Variants in CNBD1 observed in about 807,000 individuals in gnomAD.
CNBD1 encodes the protein cyclic nucleotide-binding domain-containing protein 1.
CNBD1 carries 71 observed loss-of-function variants against 54.4 expected under a neutral mutation model. The ratio of observed to expected loss-of-function variants is 1.30; its 90% CI spans 1.08 to 1.59. CNBD1 has a LOEUF of 1.59. Ranked by LOEUF, CNBD1 falls within the 40% of genes most tolerant of loss-of-function variation. CNBD1 has a pLI of 0.00. For synonymous variants in CNBD1, 182 were observed against 170.7 expected (o/e 1.07, Z -0.51); for missense variants, 659 against 518.0 (o/e 1.27, Z -2.64).
chr8:87,226,654 C>G (rs1814500906), intron 5 of CNBD1, among the ~76,000 whole-genome samples: 1 of 151,882 alleles, frequency 6.6e-6, no homozygotes, highest in Admixed American at 6.5e-5. Flanking sequence ...GAGAGCTTTA[C>G]TTCCAACTAT....
chr8:87,210,303 A>G (rs1236427676), intron 5 of CNBD1, among the ~76,000 whole-genome samples: 2 of 152,244 alleles, frequency 1.3e-5, no homozygotes, highest in African/African-American at 4.8e-5. Flanking sequence ...GCCTACCCAT[A>G]TAACAGCAAC....
chr8:87,094,380 A>T (rs115745505), intron 4 of CNBD1, among the ~76,000 whole-genome samples: 4,035 of 148,950 alleles, frequency 0.027, 177 homozygotes, highest in African/African-American at 0.093. Flanking sequence ...GGTTTTTAAA[A>T]TTTTTTTATT....
At chr8:87,032,610 G>T (rs1435355791) in intron 4 of CNBD1, among the ~76,000 whole-genome samples, 4 of 152,176 alleles carry the variant, frequency 2.6e-5, no homozygotes, top group Admixed American at 2.0e-4. Flanking sequence ...GGAAGGGGAG[G>T]CAGAAGAGAC....
At chr8:86,967,390 A>G (rs1808107586) in intron 4 of CNBD1, among the ~76,000 whole-genome samples, 1 of 152,226 alleles carries the variant, frequency 6.6e-6, no homozygotes, top group Admixed American at 6.5e-5. Context: ...TCTGTAAAGC[A>G]GGAGACTTGG....
At chr8:87,394,540 G>T (rs1466081311) in intron 2 of CNBD1, among the ~76,000 whole-genome samples, 4 of 151,846 alleles carry the variant, frequency 2.6e-5, no homozygotes, top group Admixed American at 2.0e-4. Context: ...TGGTGAGAAA[G>T]GTTAGCACAA....
intron 8 of CNBD1, among the ~76,000 whole-genome samples, chr8:87,341,067 A>G (rs776166214): frequency 1.3e-5 from 2 of 152,084 alleles, no homozygotes; most frequent in South Asian, 4.1e-4. Flanking sequence ...GCCTGGCAAG[A>G]GATTCTTTGG....
In CNBD1 at chr8:87,286,547, A is replaced by G. The variant is rs1365156861; in HGVS notation, c.918A>G (p.Ile306Met). Residue 306 changes from isoleucine to methionine, a missense_variant, in exon 8 of 11, where the codon ATA becomes ATG. Ile to Met is a conservative substitution (Grantham distance 10). Coordinates refer to ENST00000518476, the MANE Select transcript of CNBD1 (RefSeq NM_173538.3). The stretch of plus-strand genomic sequence containing the variant: ...ATGACATTCTGTTTTAGGAAAAAAT[A>G]AAACTTGAAAATATGCAAAAGTTGA... The part of the protein sequence containing the change: ...KGYAKIKEEK[I>M]KLENMQKLKL... The G allele has an allele frequency of 7.0e-7, 1 of 1,428,048 alleles. No individual in the cohort carries two copies. The highest frequency in any genetic ancestry group is 2.4e-5 in the East Asian group (1 of 41,536). The allele number at this position is 1,428,048 out of a possible 1,614,324, so 88.5% of individuals were successfully genotyped here. A position where few individuals can be genotyped will look rare whatever the true frequency, so the allele number is the denominator to read the frequency against.
intron 10 of CNBD1, among the ~76,000 whole-genome samples, chr8:87,357,676 G>A (rs868782418): frequency 1.8e-4 from 28 of 152,144 alleles, no homozygotes; most frequent in African/African-American, 5.6e-4. Flanking sequence ...AGTCTCAGAT[G>A]GAACTTTGGA....
At chr8:87,082,020 C>A (rs900250729) in intron 4 of CNBD1, among the ~76,000 whole-genome samples, 2 of 152,130 alleles carry the variant, frequency 1.3e-5, no homozygotes, top group Admixed American at 6.5e-5. Context: ...AACATAGCAG[C>A]GTCTTCTTGG....
intron 2 of CNBD1, among the ~76,000 whole-genome samples, chr8:87,396,329 G>T (rs1377719636): frequency 6.6e-6 from 1 of 151,820 alleles, no homozygotes; most frequent in Non-Finnish European, 1.5e-5. Flanking sequence ...CTTATCATTT[G>T]TTATTTAGGA....
At chr8:87,300,859 T>C (rs10094598) in intron 8 of CNBD1, among the ~76,000 whole-genome samples, 57,597 of 151,946 alleles carry the variant, frequency 0.38, 11,178 homozygotes, top group Middle Eastern at 0.45. Flanking sequence ...AATAAAATCT[T>C]TTGTGAAGAC....
Position 87,393,625 on chromosome 8 carries a change from A to T in CNBD1, c.214-34921A>T, listed in dbSNP as rs532515069. Among the ~76,000 whole-genome samples the T allele has an allele frequency of 2.6e-5, 4 of 152,002 alleles. No homozygotes were observed. In the South Asian group the frequency reaches 8.3e-4, roughly 32 times the overall value. ...ATAAAAAGTAAGTGACAACCAAATG[A>T]TAGAAATATAAAAGTACAAAGAGAT... On this transcript the variant is annotated intron_variant, in intron 2 of 7. Transcript: ENST00000521593.
At chr8:86,868,395 T>G (rs1401082680) in intron 1 of CNBD1, among the ~76,000 whole-genome samples, 12 of 152,176 alleles carry the variant, frequency 7.9e-5, no homozygotes, top group Non-Finnish European at 1.8e-4. Flanking sequence ...CAGGCTGGAG[T>G]GCAGTGGCAC....
At chr8:87,118,152 A>G (rs1811813324) in intron 4 of CNBD1, among the ~76,000 whole-genome samples, 1 of 151,838 alleles carries the variant, frequency 6.6e-6, no homozygotes, top group Middle Eastern at 3.2e-3. Flanking sequence ...CATCTCTACT[A>G]AAAATACAAA....
intron 1 of CNBD1, among the ~76,000 whole-genome samples, chr8:86,881,677 C>A (rs962169151): frequency 6.6e-6 from 1 of 152,038 alleles, no homozygotes; most frequent in Non-Finnish European, 1.5e-5. Flanking sequence ...TTTAAAAATT[C>A]ATATAGAATC....
chr8:87,091,860 T>A (rs374068423), intron 4 of CNBD1, among the ~76,000 whole-genome samples: 1 of 152,134 alleles, frequency 6.6e-6, no homozygotes, highest in Non-Finnish European at 1.5e-5. Context: ...TCAGCAATTA[T>A]GAAATATATA....
chr8:87,127,140 C>T (rs991387776), intron 4 of CNBD1, among the ~76,000 whole-genome samples: 2 of 151,946 alleles, frequency 1.3e-5, no homozygotes, highest in Non-Finnish European at 2.9e-5. Context: ...TTTGGATATT[C>T]TAGGTCCTTT....
intron 4 of CNBD1, among the ~76,000 whole-genome samples, chr8:87,176,957 GA>G (rs1412529135): frequency 3.3e-5 from 5 of 151,930 alleles, no homozygotes; most frequent in Non-Finnish European, 5.9e-5. Context: ...ACAGGATTAG[GA>G]AGAAAATGAT....
chr8:87,013,091 G>T (rs1186481981), intron 4 of CNBD1, among the ~76,000 whole-genome samples: 1 of 152,182 alleles, frequency 6.6e-6, no homozygotes, highest in Non-Finnish European at 1.5e-5. Flanking sequence ...GACCCCAAAG[G>T]AGTTGACTGA....
Sources: gnomAD v4.1 joint callset for allele counts (sites outside exome capture counted in the v4.1 genomes callset) on GRCh38, gnomAD v4.1.1 for gene constraint, MANE v1.5 for transcripts, NCBI Gene and HGNC (gene_info 2026-07-23, HGNC 2026-07-21) for gene names.